DCDC2: variants seen among roughly 807,000 people sequenced by gnomAD.
The protein encoded by DCDC2 is doublecortin domain-containing protein 2.
A neutral mutation model predicts 50.2 loss-of-function variants in DCDC2; 40 were observed. The ratio of observed to expected loss-of-function variants is 0.80; its 90% CI spans 0.62 to 1.04. The LOEUF is 1.04. DCDC2 is among the 50% of genes least tolerant of loss of function. The probability of loss-of-function intolerance (pLI) is 0.00; values close to 1 mark genes in which losing one functional copy is unlikely to be tolerated. For missense variants in DCDC2, 570 were observed against 581.9 expected (o/e 0.98, Z 0.21); for synonymous variants, 234 against 210.6 (o/e 1.11, Z -0.96).
chr6:24,282,792 G>A (rs960357853), intron 6 of DCDC2, among the ~76,000 whole-genome samples: 3 of 151,704 alleles, frequency 2.0e-5, no homozygotes, highest in Non-Finnish European at 2.9e-5. Flanking sequence ...GGGACTAGAC[G>A]GGGACTGCAC....
intron 2 of DCDC2, among the ~76,000 whole-genome samples, chr6:24,319,114 A>G (rs540371828): frequency 2.0e-5 from 3 of 152,154 alleles, no homozygotes; most frequent in African/African-American, 7.2e-5. Flanking sequence ...ACTTTTTAAT[A>G]ATAGCCACTC....
chr6:24,347,159 G>T (rs572288065), intron 2 of DCDC2, among the ~76,000 whole-genome samples: 2 of 152,120 alleles, frequency 1.3e-5, no homozygotes, highest in Non-Finnish European at 2.9e-5. Context: ...ATTATCCTCT[G>T]ACTCATTATC....
At chr6:24,287,365 C>CT (rs1763636840) in intron 6 of DCDC2, among the ~76,000 whole-genome samples, 2 of 4,530 alleles carry the variant, frequency 4.4e-4, no homozygotes, top group Non-Finnish European at 9.3e-3. Context: ...TATTTTGTTT[C>CT]ATTTTTTTGA....
At chr6:24,178,067 G>A (rs1760965732) in intron 9 of DCDC2, among the ~76,000 whole-genome samples, 4 of 152,086 alleles carry the variant, frequency 2.6e-5, no homozygotes, top group African/African-American at 9.7e-5. Flanking sequence ...GTAAAATTAG[G>A]CAGGAGGTAA....
intron 2 of DCDC2, among the ~76,000 whole-genome samples, chr6:24,349,243 A>G (rs1484083805): frequency 6.6e-6 from 1 of 152,190 alleles, no homozygotes; most frequent in Non-Finnish European, 1.5e-5. Context: ...AATGCAAACT[A>G]TATTTACTAA....
At position 24,284,237 on chromosome 6, in the gene DCDC2, G is replaced by A. The variant is rs182404658; in HGVS notation, c.759+4615C>T. 7.2e-5 allele frequency among the ~76,000 whole-genome samples: 11 copies of A among 152,244 alleles called. No individual in the cohort carries two copies. The East Asian group carries it at 7.7e-4, about 11-fold the overall frequency. Reference sequence around the variant, plus strand: ...ACTCACCTATATCACATACCTGTACGTGTCCCACTGCCTCCTGCTTCTATT... The same window carrying A: ...ACTCACCTATATCACATACCTGTACATGTCCCACTGCCTCCTGCTTCTATT... On this transcript the variant is annotated intron_variant, in intron 6 of 9. Coordinates refer to ENST00000378454, the MANE Select transcript of DCDC2 (RefSeq NM_016356.5).
intron 4 of DCDC2, among the ~76,000 whole-genome samples, chr6:24,297,550 ATATTT>A (rs1348714153): frequency 1.3e-5 from 2 of 152,172 alleles, no homozygotes; most frequent in African/African-American, 4.8e-5. Context: ...TTACTTGAAT[ATATTT>A]TATTTCTGTG....
intron 6 of DCDC2, among the ~76,000 whole-genome samples, chr6:24,281,438 T>C (rs1389062374): frequency 8.2e-6 from 1 of 121,256 alleles, no homozygotes; most frequent in Non-Finnish European, 1.6e-5. Flanking sequence ...GCCTCCTCAA[T>C]AGCTGGGATT....
At chr6:24,277,024 C>G (rs1296647471) in intron 7 of DCDC2, among the ~76,000 whole-genome samples, 1 of 152,204 alleles carries the variant, frequency 6.6e-6, no homozygotes, top group African/African-American at 2.4e-5. Context: ...GTTCTTTTAA[C>G]CTAGCCTCAC....
At chr6:24,280,557 G>C (rs1236729314) in intron 6 of DCDC2, among the ~76,000 whole-genome samples, 1 of 151,416 alleles carries the variant, frequency 6.6e-6, no homozygotes, top group Non-Finnish European at 1.5e-5. Flanking sequence ...TTTTTTTTTA[G>C]ATGGAATCTC....
At chr6:24,294,496 C>T (rs1030369077) in intron 4 of DCDC2, among the ~76,000 whole-genome samples, 18 of 151,830 alleles carry the variant, frequency 1.2e-4, no homozygotes, top group Non-Finnish European at 2.4e-4. Flanking sequence ...GAGATCGAGA[C>T]ATGAAAAACT....
Position 24,209,799 on chromosome 6 carries a change from G to A in DCDC2, c.923-4697C>T, listed in dbSNP as rs191221273. On this transcript the variant is annotated intron_variant, in intron 7 of 9. Transcript: ENST00000378454. ...GTGAGCTCTTGGGAAAAGTAATAATGGGATGGCGCATCATCTCAGAATGCA... is the reference window on the plus strand; with the variant it reads ...GTGAGCTCTTGGGAAAAGTAATAATAGGATGGCGCATCATCTCAGAATGCA... Among the ~76,000 whole-genome samples, 9 of 152,176 alleles carry A rather than the reference G, an allele frequency of 5.9e-5. No homozygotes were observed. The East Asian group carries it at 1.7e-3, about 29-fold the overall frequency.
intron 7 of DCDC2, among the ~76,000 whole-genome samples, chr6:24,223,196 T>G (rs1762154978): frequency 6.6e-6 from 1 of 152,232 alleles, no homozygotes; most frequent in Non-Finnish European, 1.5e-5. Flanking sequence ...ATGAATACAA[T>G]TCTAAGAATA....
At chr6:24,359,677 A>G (rs902309558), upstream of DCDC2, among the ~76,000 whole-genome samples, 1 of 148,598 alleles carries the variant, frequency 6.7e-6, no homozygotes, top group African/African-American at 2.5e-5. Flanking sequence ...CAGGAGGCTC[A>G]CTTGAGCCCG....
chr6:24,288,923 C>A lies in DCDC2; in HGVS notation c.705-17G>T. On this transcript the variant is annotated splice_polypyrimidine_tract_variant and intron_variant, in intron 5 of 9. Transcript: ENST00000378454. The stretch of plus-strand genomic sequence containing the variant: ...GCTTTCTGACTGTGGAAACAAATTG[C>A]AATTTAGAAATCTGAATGTTGTTTA... The A allele has an allele frequency of 6.3e-7, 1 of 1,578,716 alleles. No homozygotes were observed. Among genetic ancestry groups the A allele is most frequent in the Non-Finnish European group, 8.6e-7 (1 of 1,162,240 alleles).
At chr6:24,211,391 G>T (rs113113967) in intron 7 of DCDC2, among the ~76,000 whole-genome samples, 1 of 152,156 alleles carries the variant, frequency 6.6e-6, no homozygotes, top group Non-Finnish European at 1.5e-5. Context: ...TACGTTATTG[G>T]TGGTAGGTAG....
chr6:24,343,174 C>T (rs1405142536), intron 2 of DCDC2, among the ~76,000 whole-genome samples: 1 of 151,682 alleles, frequency 6.6e-6, no homozygotes, highest in Non-Finnish European at 1.5e-5. Flanking sequence ...CAGCCTCCGG[C>T]GTGGCAGAGA....
chr6:24,379,153 A>G, the DCDC2 span, among the ~76,000 whole-genome samples: 2 of 152,130 alleles, frequency 1.3e-5, no homozygotes, highest in Non-Finnish European at 2.9e-5. Flanking sequence ...CTTCATGACT[A>G]AAAAACCAAA....
chr6:24,301,264 G>C (rs373383987), intron 4 of DCDC2, among the ~76,000 whole-genome samples: 2 of 151,544 alleles, frequency 1.3e-5, no homozygotes, highest in African/African-American at 2.4e-5. Flanking sequence ...CCAGCTACTC[G>C]GGAGGCTGAG....
Sources: gnomAD v4.1 joint callset for allele counts (sites outside exome capture counted in the v4.1 genomes callset) on GRCh38, gnomAD v4.1.1 for gene constraint, MANE v1.5 for transcripts, NCBI Gene and HGNC (gene_info 2026-07-23, HGNC 2026-07-21) for gene names.